Variants in ATRNL1 observed in about 807,000 individuals in gnomAD.
The protein encoded by ATRNL1 is attractin-like protein 1.
Under a neutral mutation model 182.7 loss-of-function variants are expected in ATRNL1, and 95 were observed. The ratio of observed to expected loss-of-function variants is 0.52; its 90% CI spans 0.44 to 0.62. ATRNL1 has a LOEUF of 0.62. Ranked by LOEUF, ATRNL1 falls within the 20% of genes least tolerant of loss-of-function variation. The pLI, the probability that ATRNL1 is intolerant of heterozygous loss-of-function variation, is 0.00. For synonymous variants in ATRNL1, 576 were observed against 568.3 expected, an observed-to-expected ratio of 1.01 and a Z score of -0.19; for missense variants, 1,471 against 1,679.5, an observed-to-expected ratio of 0.88 and a Z score of 2.17.
chr10:115,225,138 T>C (rs1849638250), intron 9 of ATRNL1, among the ~76,000 whole-genome samples: 1 of 152,030 alleles, frequency 6.6e-6, no homozygotes, highest in South Asian at 2.1e-4. Flanking sequence ...AATAATAGAT[T>C]ATTTGGGTTC....
intron 28 of ATRNL1, among the ~76,000 whole-genome samples, chr10:115,936,218 A>G (rs1415690872): frequency 1.3e-5 from 2 of 152,194 alleles, no homozygotes; most frequent in Non-Finnish European, 2.9e-5. Flanking sequence ...GATGACGGTG[A>G]TGATGATGAA....
rs560586628 is a variant in ATRNL1 at position 115,410,887 on chromosome 10, G to A, written c.3270-15363G>A. ...TGAGTAGCTGGGATTACAGGTGTGCGCCACCATGCCCTGCTAATTTTTGTA... is the reference window on the plus strand; with the variant it reads ...TGAGTAGCTGGGATTACAGGTGTGCACCACCATGCCCTGCTAATTTTTGTA... On this transcript the variant is annotated intron_variant, in intron 20 of 28. Coordinates refer to ENST00000355044, the MANE Select transcript of ATRNL1 (RefSeq NM_207303.4). Among the ~76,000 whole-genome samples the A allele has an allele frequency of 3.4e-3, 513 of 151,816 alleles. 2 individuals are homozygous for A. Among genetic ancestry groups the A allele is most frequent in the African/African-American group, 0.012 (485 of 41,394 alleles).
At chr10:115,467,152 T>G (rs1554970981) in intron 22 of ATRNL1, 22 bp from the exon 23 acceptor site, 1 of 1,551,866 alleles carries the variant, frequency 6.4e-7, no homozygotes, top group East Asian at 2.3e-5. Context: ...TTTTTTAACC[T>G]TAATATTTTC....
intron 28 of ATRNL1, among the ~76,000 whole-genome samples, chr10:115,939,336 A>T (rs2134617307): frequency 6.6e-6 from 1 of 152,326 alleles, no homozygotes; most frequent in Middle Eastern, 3.4e-3. Flanking sequence ...GTTTGAAAAC[A>T]CCAAGAGACC....
intron 26 of ATRNL1, among the ~76,000 whole-genome samples, chr10:115,690,683 TG>T (rs1224476039): frequency 1.3e-5 from 2 of 152,106 alleles, no homozygotes; most frequent in African/African-American, 4.8e-5. Context: ...TGTAGAGATA[TG>T]GGGGCTATGA....
At position 115,368,194 on chromosome 10, in the gene ATRNL1, C is replaced by A. The variant is rs371398927; in HGVS notation, c.3176-26465C>A. Among the ~76,000 whole-genome samples the A allele has an allele frequency of 8.1e-4, 124 of 152,356 alleles. 2 individuals are homozygous for A. In the South Asian group the frequency reaches 0.025, roughly 31 times the overall value. ...TCAGCGAGACTCCGTGGGCGTAGGA[C>A]CCTCTGAGCCAGGTGCGGGATATAA... On this transcript the variant is annotated intron_variant, in intron 19 of 28. Coordinates refer to ENST00000355044, the MANE Select transcript of ATRNL1 (RefSeq NM_207303.4).
At chr10:115,663,195 C>T (rs1283954923) in intron 26 of ATRNL1, among the ~76,000 whole-genome samples, 6 of 151,842 alleles carry the variant, frequency 4.0e-5, no homozygotes, top group East Asian at 1.9e-4. Context: ...TCCACTTATC[C>T]AGTGAGTAAA....
chr10:115,834,069 CT>C (rs1950615719), intron 27 of ATRNL1, among the ~76,000 whole-genome samples: 2 of 152,286 alleles, frequency 1.3e-5, no homozygotes, highest in Admixed American at 6.5e-5. Context: ...GACCGACTGT[CT>C]TTCTATCTAC....
chr10:115,695,627 A>G (rs1481633563), intron 26 of ATRNL1, among the ~76,000 whole-genome samples: 1 of 152,182 alleles, frequency 6.6e-6, no homozygotes, highest in Non-Finnish European at 1.5e-5. Context: ...ATCATTTCCT[A>G]TAATATAAAC....
At chr10:115,144,486 G>A (rs1845891213) in intron 5 of ATRNL1, among the ~76,000 whole-genome samples, 1 of 151,948 alleles carries the variant, frequency 6.6e-6, no homozygotes, top group African/African-American at 2.4e-5. Flanking sequence ...TAGAGACGGG[G>A]TTTCACTACG....
chr10:115,797,216 C>T (rs930480588), intron 27 of ATRNL1, among the ~76,000 whole-genome samples: 24 of 152,142 alleles, frequency 1.6e-4, no homozygotes, highest in African/African-American at 5.8e-4. Context: ...AGGCCAGCAA[C>T]ATAATTTGTG....
At chr10:115,902,252 T>A (rs1555113682) in intron 28 of ATRNL1, among the ~76,000 whole-genome samples, 1 of 152,148 alleles carries the variant, frequency 6.6e-6, no homozygotes, top group Non-Finnish European at 1.5e-5. Flanking sequence ...AACATCATCT[T>A]CCTAAAGAAC....
At chr10:115,834,812 G>C (rs782721804) in intron 27 of ATRNL1, among the ~76,000 whole-genome samples, 1 of 152,172 alleles carries the variant, frequency 6.6e-6, no homozygotes, top group African/African-American at 2.4e-5. Context: ...GCCTTAGTGT[G>C]ATAGGGACCA....
chr10:115,121,732 T>C lies in ATRNL1; in HGVS notation c.411T>C (p.His137=). The C allele has an allele frequency of 6.4e-7, 1 of 1,561,052 alleles. No individual in the cohort carries two copies. The stretch of plus-strand genomic sequence containing the variant: ...CAGTGTTAAGATTAAGATTCAATCA[T>C]TTTGCTACAGAATGTAGCTGGGATC... ...PNAVLRLRFN[H]FATECSWDHM... Residue 137 remains histidine (H), a synonymous_variant, in exon 3 of 29, where the codon CAT becomes CAC. Transcript: ENST00000355044.
intron 8 of ATRNL1, among the ~76,000 whole-genome samples, chr10:115,209,802 C>A (rs1210469631): frequency 6.6e-6 from 1 of 151,902 alleles, no homozygotes; most frequent in East Asian, 1.9e-4. Flanking sequence ...ATATACATTT[C>A]CAAATGCAAA....
intron 19 of ATRNL1, among the ~76,000 whole-genome samples, chr10:115,361,409 G>C (rs1379454356): frequency 6.6e-6 from 1 of 151,952 alleles, no homozygotes; most frequent in Non-Finnish European, 1.5e-5. Context: ...GTGGAAGCTA[G>C]CATTTATCAA....
intron 27 of ATRNL1, among the ~76,000 whole-genome samples, chr10:115,764,416 A>T (rs1948806552): frequency 6.6e-6 from 1 of 152,144 alleles, no homozygotes; most frequent in South Asian, 2.1e-4. Flanking sequence ...TTATAGTATC[A>T]TACAGAGTAT....
chr10:115,765,631 T>C (rs184491885), intron 27 of ATRNL1, among the ~76,000 whole-genome samples: 15 of 152,250 alleles, frequency 9.9e-5, no homozygotes, highest in African/African-American at 3.1e-4. Context: ...AGCATAAGTC[T>C]TCAATTTTAA....
intron 26 of ATRNL1, among the ~76,000 whole-genome samples, chr10:115,650,097 G>C (rs2901056): frequency 0.52 from 78,561 of 151,878 alleles, 21,491 homozygotes; most frequent in East Asian, 0.96. Flanking sequence ...CTGAAAGCTT[G>C]TATCAGCCAA....
Sources: gnomAD v4.1 joint callset for allele counts (sites outside exome capture counted in the v4.1 genomes callset) on GRCh38, gnomAD v4.1.1 for gene constraint, MANE v1.5 for transcripts, NCBI Gene and HGNC (gene_info 2026-07-23, HGNC 2026-07-21) for gene names.